RASGEF1C: variants seen among roughly 807,000 people sequenced by gnomAD.
The protein encoded by RASGEF1C is ras-GEF domain-containing family member 1C.
Under a neutral mutation model 58.1 loss-of-function variants are expected in RASGEF1C, and 27 were observed. That is an observed-to-expected ratio of 0.46 (90% CI 0.34 to 0.64). The LOEUF (loss-of-function observed/expected upper bound fraction) is 0.64. Among genes scored for constraint, RASGEF1C ranks in the 30% least tolerant of loss-of-function variants. The probability of loss-of-function intolerance (pLI) is 0.01; values close to 1 mark genes in which losing one functional copy is unlikely to be tolerated. For synonymous variants in RASGEF1C, 243 were observed against 246.3 expected (o/e 0.99, Z 0.13); for missense variants, 502 against 605.1 (o/e 0.83, Z 1.79).
chr5:180,103,757 G>T (rs997248100), intron 12 of RASGEF1C, among the ~76,000 whole-genome samples: 3 of 152,118 alleles, frequency 2.0e-5, no homozygotes, highest in Non-Finnish European at 4.4e-5. Context: ...ATTGTTATTG[G>T]TCTTACGAGG....
intron 11 of RASGEF1C, 51 bp downstream of exon 11, chr5:180,114,395 G>C: frequency 6.4e-7 from 1 of 1,571,956 alleles, no homozygotes; most frequent in Non-Finnish European, 8.7e-7. Context: ...CCTGCCCTGG[G>C]AACTTTTCCC....
chr5:180,200,689 C>CA (rs1335806733), intron 1 of RASGEF1C, among the ~76,000 whole-genome samples: 1 of 152,016 alleles, frequency 6.6e-6, no homozygotes, highest in African/African-American at 2.4e-5. Context: ...TAATGGTGGC[C>CA]ACCTGAATCC....
intron 1 of RASGEF1C, among the ~76,000 whole-genome samples, chr5:180,174,133 G>C (rs1767170424): frequency 6.6e-6 from 1 of 151,982 alleles, no homozygotes; most frequent in Non-Finnish European, 1.5e-5. Context: ...GTGTGGGCTT[G>C]ATGAATGCTG....
chr5:180,147,465 T>C (rs1413991422), intron 1 of RASGEF1C, among the ~76,000 whole-genome samples: 2 of 152,200 alleles, frequency 1.3e-5, no homozygotes, highest in African/African-American at 4.8e-5. Context: ...AGGACAGTTT[T>C]TGCTGTATCC....
At chr5:180,173,073 C>T (rs1767138927) in intron 1 of RASGEF1C, among the ~76,000 whole-genome samples, 1 of 152,218 alleles carries the variant, frequency 6.6e-6, no homozygotes, top group African/African-American at 2.4e-5. Context: ...CCTGCCTGCT[C>T]CAGTTAAGTC....
At position 180,109,457 on chromosome 5, in the gene RASGEF1C, C is replaced by CA. The variant is rs918440209; in HGVS notation, c.1303+1999dup. ...TGGGTGACAGAGCGAGACTCCGTCT[C>CA]AAAAAAAAATAATAATAATAATTAG... On this transcript the variant is annotated intron_variant, in intron 12 of 13. Coordinates refer to ENST00000361132, the MANE Select transcript of RASGEF1C (RefSeq NM_175062.4). 3.7e-4 allele frequency among the ~76,000 whole-genome samples: 55 copies of CA among 148,472 alleles called. No individual in the cohort carries two copies. The South Asian group carries it at 4.2e-3, about 11-fold the overall frequency.
chr5:180,193,057 T>TTGC (rs1428574951), intron 1 of RASGEF1C, among the ~76,000 whole-genome samples: 1 of 114,832 alleles, frequency 8.7e-6, no homozygotes, highest in Admixed American at 9.3e-5. Flanking sequence ...GTTTTTTTTG[T>TTGC]TGTTGTTTTG....
intron 1 of RASGEF1C, among the ~76,000 whole-genome samples, chr5:180,174,608 ATGTGTGTGTCTGTGTG>A (rs1421343332): frequency 9.2e-4 from 64 of 69,752 alleles, no homozygotes; most frequent in Non-Finnish European, 1.6e-3. Flanking sequence ...GTGTGCACGC[ATGTGTGTGTCTGTGTG>A]TGTGTGTGTG....
intron 4 of RASGEF1C, 72 bp downstream of exon 4, chr5:180,136,306 G>T: frequency 7.0e-7 from 1 of 1,433,616 alleles, no homozygotes; most frequent in Non-Finnish European, 9.4e-7. Context: ...GCCCTGGGGT[G>T]CGGGCCGGGA....
At chr5:180,176,713 T>C (rs188434303) in intron 1 of RASGEF1C, among the ~76,000 whole-genome samples, 317 of 152,174 alleles carry the variant, frequency 2.1e-3, no homozygotes, top group Non-Finnish European at 3.2e-3. Context: ...TCTGCCACCA[T>C]GCCCGGCTAA....
chr5:180,191,352 T>C (rs769266339), intron 1 of RASGEF1C, among the ~76,000 whole-genome samples: 3 of 123,644 alleles, frequency 2.4e-5, no homozygotes, highest in Non-Finnish European at 5.4e-5. Flanking sequence ...TCACAGTAGC[T>C]TTATTTACTT....
chr5:180,162,987 G>A (rs1766965686), intron 1 of RASGEF1C, among the ~76,000 whole-genome samples: 1 of 152,102 alleles, frequency 6.6e-6, no homozygotes, highest in Admixed American at 6.5e-5. Flanking sequence ...GGGGGGCTGG[G>A]AGTAGCTATA....
chr5:180,141,359 A>G (rs1308190792), intron 1 of RASGEF1C, among the ~76,000 whole-genome samples: 3 of 152,218 alleles, frequency 2.0e-5, no homozygotes, highest in Non-Finnish European at 4.4e-5. Flanking sequence ...ACGCCTCTCC[A>G]CACAGTGGGG....
chr5:180,176,808 G>A (rs866424350), intron 1 of RASGEF1C, among the ~76,000 whole-genome samples: 12 of 152,194 alleles, frequency 7.9e-5, no homozygotes, highest in East Asian at 1.9e-4. Context: ...CGCCCGCCTC[G>A]GCCTCCCAAA....
At chr5:180,106,151 G>T (rs1294637650) in intron 12 of RASGEF1C, among the ~76,000 whole-genome samples, 1 of 152,202 alleles carries the variant, frequency 6.6e-6, no homozygotes. Flanking sequence ...CTACAGATAA[G>T]GGGGGACTAC....
intron 4 of RASGEF1C, among the ~76,000 whole-genome samples, chr5:180,129,925 G>A (rs1182883821): frequency 2.0e-5 from 3 of 152,220 alleles, no homozygotes; most frequent in Admixed American, 2.0e-4. Context: ...TTTCCTTGAC[G>A]GTGGGAGAGG....
intron 12 of RASGEF1C, among the ~76,000 whole-genome samples, chr5:180,103,198 C>A (rs1765821089): frequency 6.6e-6 from 1 of 152,212 alleles, no homozygotes; most frequent in Admixed American, 6.5e-5. Flanking sequence ...CTGCCTCACC[C>A]TCCCGAGTGG....
intron 1 of RASGEF1C, among the ~76,000 whole-genome samples, chr5:180,182,471 T>G (rs1232958436): frequency 1.3e-5 from 2 of 152,192 alleles, no homozygotes; most frequent in Admixed American, 1.3e-4. Flanking sequence ...CCCAGCAGGT[T>G]GCCGCTGTTG....
At chr5:180,108,379 T>C (rs533483442) in intron 12 of RASGEF1C, among the ~76,000 whole-genome samples, 61 of 152,012 alleles carry the variant, frequency 4.0e-4, no homozygotes, top group South Asian at 3.5e-3. Context: ...TTTTTTGTAT[T>C]TTTAGTAGAG....
Sources: gnomAD v4.1 joint callset for allele counts (sites outside exome capture counted in the v4.1 genomes callset) on GRCh38, gnomAD v4.1.1 for gene constraint, MANE v1.5 for transcripts, NCBI Gene and HGNC (gene_info 2026-07-23, HGNC 2026-07-21) for gene names.